Variants in UNC5D observed in about 807,000 individuals in gnomAD.
UNC5D encodes the protein netrin receptor UNC5D.
In UNC5D, 39 loss-of-function variants were observed where a neutral mutation model predicts 105.4. The ratio of observed to expected loss-of-function variants is 0.37; its 90% CI spans 0.29 to 0.48. UNC5D has a LOEUF of 0.48. Among genes scored for constraint, UNC5D ranks in the 20% least tolerant of loss-of-function variants. UNC5D has a pLI of 0.98. For missense variants in UNC5D, 991 were observed against 1,202.4 expected (o/e 0.82, Z 2.60); for synonymous variants, 452 against 450.4 (o/e 1.00, Z -0.04).
At chr8:35,414,263 T>C (rs1398388350) in intron 1 of UNC5D, among the ~76,000 whole-genome samples, 1 of 152,112 alleles carries the variant, frequency 6.6e-6, no homozygotes, top group East Asian at 1.9e-4. Context: ...TATTTCTCCT[T>C]TGTGTGCTCT....
Position 35,774,485 on chromosome 8 carries a change from G to A in UNC5D, c.2657+8G>A, listed in dbSNP as rs1468635891. 1 of 1,613,716 alleles carries A rather than the reference G, an allele frequency of 6.2e-7. No homozygotes were observed. Among genetic ancestry groups the A allele is most frequent in the Non-Finnish European group, 8.5e-7 (1 of 1,179,818 alleles). On this transcript the variant is annotated splice_region_variant and intron_variant, in intron 16 of 16. Transcript: ENST00000404895. ...GAAAAACAGCATCAACAGGTAATTGGGGACAGCTTCTGGAAGACGATGTTA... is the reference window on the plus strand; with the variant it reads ...GAAAAACAGCATCAACAGGTAATTGAGGACAGCTTCTGGAAGACGATGTTA...
At chr8:35,657,078 GTGTATATATATATATATA>G (rs1206609874) in intron 4 of UNC5D, among the ~76,000 whole-genome samples, 14 of 80,574 alleles carry the variant, frequency 1.7e-4, no homozygotes, top group African/African-American at 7.6e-4. Flanking sequence ...GTGTGTGTGT[GTGTATATATATATATATA>G]TATATATATA....
At chr8:35,471,702 A>G (rs1231849719) in intron 1 of UNC5D, among the ~76,000 whole-genome samples, 2 of 152,252 alleles carry the variant, frequency 1.3e-5, no homozygotes, top group East Asian at 3.9e-4. Flanking sequence ...GATCTAGCAA[A>G]GCTATTGTGA....
chr8:35,314,074 A>C (rs530656786), intron 1 of UNC5D, among the ~76,000 whole-genome samples: 1 of 152,294 alleles, frequency 6.6e-6, no homozygotes, highest in South Asian at 2.1e-4. Context: ...TTCTCTTTCA[A>C]AAAAATCTAG....
chr8:35,511,715 C>A (rs918320469), intron 1 of UNC5D, among the ~76,000 whole-genome samples: 1 of 148,810 alleles, frequency 6.7e-6, no homozygotes, highest in Non-Finnish European at 1.5e-5. Context: ...AATAGATTAA[C>A]AATAGCTGAT....
chr8:35,650,036 G>A (rs1432089771), intron 4 of UNC5D, among the ~76,000 whole-genome samples: 2 of 152,242 alleles, frequency 1.3e-5, no homozygotes, highest in South Asian at 2.1e-4. Context: ...AACTAGATTG[G>A]TATATGAGGG....
intron 4 of UNC5D, among the ~76,000 whole-genome samples, chr8:35,674,265 T>C (rs965958101): frequency 1.6e-4 from 24 of 152,224 alleles, no homozygotes; most frequent in African/African-American, 5.8e-4. Flanking sequence ...CAATGTAATT[T>C]TGCAAAGAGC....
intron 8 of UNC5D, among the ~76,000 whole-genome samples, chr8:35,714,570 A>T (rs1332382751): frequency 6.6e-6 from 1 of 152,224 alleles, no homozygotes; most frequent in Non-Finnish European, 1.5e-5. Flanking sequence ...AATGAAGGGT[A>T]GTTACTAAAC....
chr8:35,253,428 A>AT lies in UNC5D; in HGVS notation c.103+17551dup, dbSNP rs773833017. ...TATTCCTTTAATCCACCTGGAGTAG[A>AT]TTTTTTTTTTCCCTCTGTAGAGTTT... On this transcript the variant is annotated intron_variant, in intron 1 of 16. Transcript: ENST00000404895. Among the ~76,000 whole-genome samples, 28 of 102,762 alleles carry AT rather than the reference A, an allele frequency of 2.7e-4. 1 individual carries two copies. Among genetic ancestry groups the AT allele is most frequent in the South Asian group, 2.4e-3 (8 of 3,378 alleles). 67.4% of individuals were successfully genotyped at this position (102,762 alleles called of 152,430 possible).
In UNC5D at chr8:35,398,912, T is replaced by C. The variant is rs536641313; in HGVS notation, c.104-150380T>C. Among the ~76,000 whole-genome samples, 154 of 152,044 alleles carry C rather than the reference T, an allele frequency of 1.0e-3. 1 individual carries two copies. Among genetic ancestry groups the C allele is most frequent in the Middle Eastern group, 3.4e-3 (1 of 294 alleles). Reference sequence around the variant, plus strand: ...AGCACACACCTGTAATCCTAACACTTTGGGAGGCTGAGGTGGGCAGATTGC... The same window carrying C: ...AGCACACACCTGTAATCCTAACACTCTGGGAGGCTGAGGTGGGCAGATTGC... On this transcript the variant is annotated intron_variant, in intron 1 of 16. Coordinates refer to ENST00000404895, the MANE Select transcript of UNC5D (RefSeq NM_080872.4).
chr8:35,611,010 CAAAAAA>C (rs11314770), intron 4 of UNC5D, among the ~76,000 whole-genome samples: 3 of 60,100 alleles, frequency 5.0e-5, no homozygotes, highest in Admixed American at 2.0e-4. Flanking sequence ...GACAAAGAAG[CAAAAAA>C]AAAAAAAAAA....
At chr8:35,484,142 C>T (rs1478193884) in intron 1 of UNC5D, among the ~76,000 whole-genome samples, 2 of 152,088 alleles carry the variant, frequency 1.3e-5, no homozygotes, top group Admixed American at 6.5e-5. Flanking sequence ...ACCAAGAAAT[C>T]AATGCCAAGC....
Position 35,582,905 on chromosome 8 carries a change from T to A in UNC5D, c.467-12649T>A, listed in dbSNP as rs546231802. On this transcript the variant is annotated intron_variant, in intron 3 of 16. Transcript: ENST00000404895. ...GGAAAGTCAGAGATGATTCTCCACA[T>A]CCAGGTGGTTTTTAAAACTTTGTCC... 2.0e-5 allele frequency among the ~76,000 whole-genome samples: 3 copies of A among 152,332 alleles called. No homozygotes were observed. The East Asian group carries it at 5.8e-4, about 29-fold the overall frequency.
chr8:35,335,192 C>T (rs545142345), intron 1 of UNC5D, among the ~76,000 whole-genome samples: 5 of 152,202 alleles, frequency 3.3e-5, no homozygotes, highest in South Asian at 4.1e-4. Flanking sequence ...CATTGATGGG[C>T]GCTGGGATTG....
chr8:35,463,643 A>AGGTGTGGTG (rs1292525739), intron 1 of UNC5D, among the ~76,000 whole-genome samples: 2 of 151,346 alleles, frequency 1.3e-5, no homozygotes, highest in African/African-American at 4.9e-5. Context: ...AAAGCTAGCC[A>AGGTGTGGTG]GGTGTGGTGG....
At chr8:35,610,752 A>T (rs1374987920) in intron 4 of UNC5D, among the ~76,000 whole-genome samples, 1 of 152,128 alleles carries the variant, frequency 6.6e-6, no homozygotes, top group Non-Finnish European at 1.5e-5. Flanking sequence ...ACAGGCCCCA[A>T]ATTTACTCTG....
intron 4 of UNC5D, among the ~76,000 whole-genome samples, chr8:35,630,191 A>T (rs963662235): frequency 6.6e-6 from 1 of 152,252 alleles, no homozygotes; most frequent in Non-Finnish European, 1.5e-5. Flanking sequence ...ACTTCTTGTA[A>T]GAAATGTTAT....
intron 4 of UNC5D, among the ~76,000 whole-genome samples, chr8:35,666,840 T>C (rs1480750853): frequency 6.6e-6 from 1 of 152,180 alleles, no homozygotes; most frequent in African/African-American, 2.4e-5. Context: ...TGTAATTTCA[T>C]TTAAATTTCC....
intron 1 of UNC5D, among the ~76,000 whole-genome samples, chr8:35,364,374 C>T (rs1194312035): frequency 6.6e-6 from 1 of 151,870 alleles, no homozygotes; most frequent in African/African-American, 2.4e-5. Context: ...GCTATGAGGC[C>T]CCTGGAATGA....
Sources: allele counts gnomAD v4.1 joint callset (sites outside exome capture counted in the v4.1 genomes callset), GRCh38; gene constraint gnomAD v4.1.1; transcripts MANE v1.5; gene names NCBI Gene and HGNC (gene_info 2026-07-23, HGNC 2026-07-21).